The following PPARGC1A variants were observed in gnomAD, a reference collection of about 807,000 sequenced individuals.
PPARGC1A encodes PPARG coactivator 1 alpha.
A neutral mutation model predicts 88.7 loss-of-function variants in PPARGC1A; 25 were observed. The ratio of observed to expected loss-of-function variants is 0.28; its 90% CI spans 0.21 to 0.39. The LOEUF (loss-of-function observed/expected upper bound fraction) is 0.39, where lower values mean the gene tolerates loss of function less well. Ranked by LOEUF, PPARGC1A falls within the 10% of genes least tolerant of loss-of-function variation. The pLI, the probability that PPARGC1A is intolerant of heterozygous loss-of-function variation, is 1.00. For missense variants in PPARGC1A, 880 were observed against 968.7 expected (o/e 0.91, Z 1.22); for synonymous variants, 363 against 355.6 (o/e 1.02, Z -0.24).
the PPARGC1A span, among the ~76,000 whole-genome samples, chr4:24,314,989 T>C: frequency 6.6e-6 from 1 of 151,244 alleles, no homozygotes; most frequent in Admixed American, 6.6e-5. Context: ...TTGGCTCCAT[T>C]CTGTAGAACA....
the PPARGC1A span, among the ~76,000 whole-genome samples, chr4:24,309,889 G>A: frequency 6.6e-6 from 1 of 152,224 alleles, no homozygotes. Context: ...AAGGGTGATG[G>A]TAACAGAGGT....
the PPARGC1A span, among the ~76,000 whole-genome samples, chr4:24,275,835 C>A: frequency 1.3e-5 from 2 of 152,080 alleles, no homozygotes; most frequent in South Asian, 2.1e-4. Flanking sequence ...AATACAAATG[C>A]ACAAGTGATA....
the PPARGC1A span, among the ~76,000 whole-genome samples, chr4:23,936,019 G>C: frequency 0.018 from 2,746 of 151,994 alleles, 82 homozygotes; most frequent in African/African-American, 0.062. Context: ...GTTTAATTTA[G>C]TGAATATTAA....
the PPARGC1A span, among the ~76,000 whole-genome samples, chr4:24,333,288 T>C: frequency 6.6e-6 from 1 of 152,140 alleles, no homozygotes; most frequent in African/African-American, 2.4e-5. Flanking sequence ...TAATCGACAG[T>C]TTCCATCTTC....
chr4:24,214,899 G>C, the PPARGC1A span, among the ~76,000 whole-genome samples: 2 of 152,218 alleles, frequency 1.3e-5, no homozygotes, highest in African/African-American at 4.8e-5. Flanking sequence ...GCACAGGAGA[G>C]TCAGGGTACT....
the PPARGC1A span, among the ~76,000 whole-genome samples, chr4:24,144,819 T>G: frequency 6.6e-6 from 1 of 152,126 alleles, no homozygotes; most frequent in Admixed American, 6.5e-5. Flanking sequence ...TTAGCCCTCC[T>G]CAGAGGCTAA....
At chr4:24,122,418 T>TGTGTGC in the PPARGC1A span, among the ~76,000 whole-genome samples, 540 of 96,838 alleles carry the variant, frequency 5.6e-3, 3 homozygotes, top group African/African-American at 0.013. Flanking sequence ...TGTGTGTGCA[T>TGTGTGC]ATATATATAT....
intron 4 of PPARGC1A, among the ~76,000 whole-genome samples, chr4:23,829,040 G>A (rs1349824795): frequency 1.3e-5 from 2 of 152,174 alleles, no homozygotes; most frequent in African/African-American, 4.8e-5. Context: ...TTATGGCATT[G>A]CCAGCATTCC....
At chr4:23,917,875 C>A in the PPARGC1A span, among the ~76,000 whole-genome samples, 18 of 152,208 alleles carry the variant, frequency 1.2e-4, no homozygotes, top group Non-Finnish European at 7.3e-5. Flanking sequence ...ATCAATATCG[C>A]CACTCTTTTT....
chr4:24,052,932 T>C, the PPARGC1A span, among the ~76,000 whole-genome samples: 343 of 142,914 alleles, frequency 2.4e-3, 1 homozygote, highest in African/African-American at 8.5e-3. Context: ...GGTGCTATCT[T>C]GGCTCACTGC....
At chr4:24,183,821 A>G in the PPARGC1A span, among the ~76,000 whole-genome samples, 1 of 152,212 alleles carries the variant, frequency 6.6e-6, no homozygotes, top group South Asian at 2.1e-4. Flanking sequence ...ATTTTTTTTA[A>G]TAAAATGTTA....
the PPARGC1A span, among the ~76,000 whole-genome samples, chr4:24,390,105 CA>C: frequency 0.97 from 147,428 of 152,008 alleles, 71,649 homozygotes; most frequent in East Asian, 1. Flanking sequence ...AAGAAAATTC[CA>C]AAAAGCAGCA....
At chr4:24,139,165 A>C in the PPARGC1A span, among the ~76,000 whole-genome samples, 1 of 149,452 alleles carries the variant, frequency 6.7e-6, no homozygotes, top group African/African-American at 2.5e-5. Flanking sequence ...ACAGAGTCTC[A>C]CTCTGTCACC....
At chr4:24,213,527 C>T in the PPARGC1A span, among the ~76,000 whole-genome samples, 1 of 152,164 alleles carries the variant, frequency 6.6e-6, no homozygotes, top group Non-Finnish European at 1.5e-5. Flanking sequence ...CTCCAGCCTA[C>T]TTTGGAAGGA....
At chr4:24,323,785 C>T in the PPARGC1A span, among the ~76,000 whole-genome samples, 1 of 152,202 alleles carries the variant, frequency 6.6e-6, no homozygotes, top group Non-Finnish European at 1.5e-5. Flanking sequence ...CTGCTCTTTG[C>T]TCTGTGAGAA....
chr4:24,048,450 G>A, the PPARGC1A span, among the ~76,000 whole-genome samples: 1 of 152,092 alleles, frequency 6.6e-6, no homozygotes, highest in East Asian at 1.9e-4. Context: ...ATGAATTTTT[G>A]ATCTTCTATG....
the PPARGC1A span, among the ~76,000 whole-genome samples, chr4:23,929,911 G>A: frequency 6.6e-6 from 1 of 152,134 alleles, no homozygotes; most frequent in East Asian, 1.9e-4. Context: ...ACCCTATGAG[G>A]AGGGTATTAT....
chr4:24,082,784 G>C, the PPARGC1A span, among the ~76,000 whole-genome samples: 2 of 152,222 alleles, frequency 1.3e-5, no homozygotes, highest in Admixed American at 1.3e-4. Context: ...GTTCAAGAAA[G>C]AGTTGGAGGA....
the PPARGC1A span, among the ~76,000 whole-genome samples, chr4:24,334,107 G>T: frequency 6.6e-6 from 1 of 151,970 alleles, no homozygotes; most frequent in Admixed American, 6.6e-5. Flanking sequence ...GAGTTCTGGG[G>T]TAGTGTCTGG....
Sources: allele counts gnomAD v4.1 joint callset (sites outside exome capture counted in the v4.1 genomes callset), GRCh38; gene constraint gnomAD v4.1.1; transcripts MANE v1.5; gene names NCBI Gene and HGNC (gene_info 2026-07-23, HGNC 2026-07-21).